The following POMT1 variants were observed in gnomAD, a reference collection of about 807,000 sequenced individuals.
POMT1 encodes the protein protein O-mannosyltransferase 1.
Under a neutral mutation model 101.6 loss-of-function variants are expected in POMT1, and 85 were observed. That is an observed-to-expected ratio of 0.84 (90% CI 0.70 to 1.00). The LOEUF (loss-of-function observed/expected upper bound fraction) is 1.00, where lower values mean the gene tolerates loss of function less well. Among genes scored for constraint, POMT1 ranks in the 50% least tolerant of loss-of-function variants. The pLI is 0.00. For missense variants in POMT1, 857 were observed against 930.4 expected (o/e 0.92, Z 1.03); for synonymous variants, 371 against 383.0 (o/e 0.97, Z 0.37).
At position 131,511,357 on chromosome 9, in the gene POMT1, T is replaced by A. The variant is rs10901065; in HGVS notation, c.876T>A (p.Thr292=). The change falls in exon 10 of 20, where the codon ACT becomes ACA. Residue 292 remains threonine, a synonymous_variant. Coordinates refer to ENST00000402686, the MANE Select transcript of POMT1 (RefSeq NM_001077365.2). The part of the protein sequence containing the change: ...ASLEGGLARI[T]QGQPLEVAFG... ...CTCAGGGAGGACTAGCTCGGATCAC[T>A]CAGGGTCAGCCACTGGAGGTGGCCT... The A allele has an allele frequency of 6.2e-7, 1 of 1,613,754 alleles. No homozygotes were observed. Among genetic ancestry groups the A allele is most frequent in the Admixed American group, 1.7e-5 (1 of 59,998 alleles).
chr9:131,503,109 C>G lies in POMT1; in HGVS notation c.-31+36C>G, dbSNP rs112631832. Reference sequence around the variant, plus strand: ...GGACACCGGGGACGAGAGCCCAGCCCGGACTTGGGGGAGTCCGTCAGTGCC... The same window carrying G: ...GGACACCGGGGACGAGAGCCCAGCCGGGACTTGGGGGAGTCCGTCAGTGCC... On this transcript the variant is annotated intron_variant, in intron 1 of 19. Coordinates refer to ENST00000402686, the MANE Select transcript of POMT1 (RefSeq NM_001077365.2). The surrounding 1 kb of genome is among the most constrained non-coding windows in gnomAD (Gnocchi z 4.4). 7.5e-4 allele frequency: 114 copies of G among 152,390 alleles called. No individual in the cohort carries two copies. Among genetic ancestry groups the G allele is most frequent in the African/African-American group, 2.7e-3 (111 of 41,590 alleles). 9.4% of individuals were successfully genotyped at this position (152,390 alleles called of 1,614,324 possible). A position where few individuals can be genotyped will look rare whatever the true frequency, so the allele number is the denominator to read the frequency against.
At chr9:131,511,003 AAGTTGTTTG>A in intron 9 of POMT1, 1 of 261,476 alleles carries the variant, frequency 3.8e-6, no homozygotes. Context: ...GTGTTTCAGC[AAGTTGTTTG>A]GCTCACCCTA....
chr9:131,521,550 G>C (rs950324692), intron 18 of POMT1, 78 bp downstream of exon 18: 1 of 1,516,876 alleles, frequency 6.6e-7, no homozygotes, highest in African/African-American at 1.4e-5. Context: ...GGGTGTTCTT[G>C]AACTCCTGGG....
chr9:131,519,532 C>G lies in POMT1; in HGVS notation c.1584+46C>G. 1.3e-6 allele frequency: 2 copies of G among 1,524,202 alleles called. No individual in the cohort carries two copies. Among genetic ancestry groups the G allele is most frequent in the African/African-American group, 1.4e-5 (1 of 72,732 alleles). 94.4% of individuals were successfully genotyped at this position (1,524,202 alleles called of 1,614,324 possible). A position where few individuals can be genotyped will look rare whatever the true frequency, so the allele number is the denominator to read the frequency against. On this transcript the variant is annotated intron_variant, in intron 16 of 19. Transcript: ENST00000402686. This position sits in a 1 kb window ranked among gnomAD's most constrained non-coding sequence, Gnocchi z 4.3. ...GCTGGCCTAGCTCGCTGAGCATTGA[C>G]TCCTCAGCAGGGAGGCCTGGGGGCT...
In POMT1 at chr9:131,511,254, G is replaced by A. The variant is rs184872125; in HGVS notation, c.856-83G>A. On this transcript the variant is annotated intron_variant, in intron 9 of 19. Transcript: ENST00000402686. ...CCACCAGCCTAAACATCACCCCAGA[G>A]GGAGGAGTGGCCATCGGGAAGGCTG... 66 of 1,435,166 alleles carry A rather than the reference G, an allele frequency of 4.6e-5. No homozygotes were observed. The East Asian group carries it at 1.5e-3, about 32-fold the overall frequency. The allele number at this position is 1,435,166 out of a possible 1,614,324, so 88.9% of individuals were successfully genotyped here.
At position 131,511,407 on chromosome 9, in the gene POMT1, AC is replaced by A; in HGVS notation, c.927del (p.Asn309LysfsTer20). 6.2e-7 allele frequency: 1 copy of A among 1,614,152 alleles called. No individual in the cohort carries two copies. The highest frequency in any genetic ancestry group is 8.5e-7 in the Non-Finnish European group (1 of 1,179,968). On this transcript the variant is annotated frameshift_variant, in exon 10 of 20. Transcript: ENST00000402686. LOFTEE classifies it high-confidence loss of function. ...TTTGGGTCCCAGGTCACTCTGAGGA[AC>A]GTCTTTGGGAAACCTGTGCCCTGCT... The part of the protein sequence containing the change: ...VAFGSQVTLR[N>X]VFGKPVPCWL...
At chr9:131,517,235 C>T (rs889515828) in intron 13 of POMT1, among the ~76,000 whole-genome samples, 9 of 144,356 alleles carry the variant, frequency 6.2e-5, no homozygotes, top group Non-Finnish European at 1.4e-4. Flanking sequence ...TGCTGATGTT[C>T]TTTTTTTTTT....
At chr9:131,517,653 T>C (rs1948994104) in intron 13 of POMT1, among the ~76,000 whole-genome samples, 1 of 152,200 alleles carries the variant, frequency 6.6e-6, no homozygotes, top group Non-Finnish European at 1.5e-5. Context: ...TCTGTGTGCG[T>C]TCTGCATTTC....
At position 131,518,909 on chromosome 9, in the gene POMT1, T is replaced by A; in HGVS notation, c.1438T>A (p.Tyr480Asn). ...EIVGEKLSRGYHGSTVWNVEE... is the reference protein window; with the variant it reads ...EIVGEKLSRGNHGSTVWNVEE... ...CGTCGGGGAGAAGCTGTCCCGGGGC[T>A]ACCACGGGAGCACGGTGTGGAACGT... The change falls in exon 15 of 20, where the codon TAC becomes AAC. Residue 480 changes from tyrosine to asparagine, a missense_variant. Coordinates refer to ENST00000402686, the MANE Select transcript of POMT1 (RefSeq NM_001077365.2). 1 of 1,613,810 alleles carries A rather than the reference T, an allele frequency of 6.2e-7. No homozygotes were observed. Among genetic ancestry groups the A allele is most frequent in the Non-Finnish European group, 8.5e-7 (1 of 1,180,018 alleles).
In POMT1 at chr9:131,519,623, C is replaced by A; in HGVS notation, c.1584+137C>A. On this transcript the variant is annotated intron_variant, in intron 16 of 19. Coordinates refer to ENST00000402686, the MANE Select transcript of POMT1 (RefSeq NM_001077365.2). This position sits in a 1 kb window ranked among gnomAD's most constrained non-coding sequence, Gnocchi z 4.3. ...TACAGGCTCACAACAGAATGAGTGT[C>A]TCCTCTCTCCAGTGTAAGGGACTGT... The A allele has an allele frequency of 1.2e-6, 1 of 851,776 alleles. No individual in the cohort carries two copies. Among genetic ancestry groups the A allele is most frequent in the Non-Finnish European group, 1.9e-6 (1 of 526,560 alleles). The allele number at this position is 851,776 out of a possible 1,614,324, so 52.8% of individuals were successfully genotyped here.
rs1946475637 is a variant in POMT1, at chr9:131,508,991, T to C, written c.508T>C (p.Tyr170His). The C allele has an allele frequency of 6.2e-7, 1 of 1,613,354 alleles. No homozygotes were observed. The highest frequency in any genetic ancestry group is 8.5e-7 in the Non-Finnish European group (1 of 1,179,340). Residue 170 changes from tyrosine to histidine, a missense_variant, in exon 6 of 20, where the codon TAC becomes CAC. Tyr to His is a moderately conservative substitution (Grantham distance 83). Transcript: ENST00000402686. ...TTTCAATCTATTGGCCGTGTTGTCCTACCTGAAGTTCTTCAACTGCCAAAA... is the reference window on the plus strand; with the variant it reads ...TTTCAATCTATTGGCCGTGTTGTCCCACCTGAAGTTCTTCAACTGCCAAAA... ...IFFNLLAVLS[Y>H]LKFFNCQKHS... is the part of the protein sequence containing the mutation.
chr9:131,511,610 G>A, intron 10 of POMT1, 143 bp downstream of exon 10: 1 of 1,125,782 alleles, frequency 8.9e-7, no homozygotes, highest in Non-Finnish European at 1.3e-6. Context: ...GATTGCCAGT[G>A]AGCTTCGTGG....
Position 131,509,995 on chromosome 9 carries a change from A to C in POMT1, c.698A>C (p.Asn233Thr), listed in dbSNP as rs139774354. 1 of 1,613,988 alleles carries C rather than the reference A, an allele frequency of 6.2e-7. No homozygotes were observed. Among genetic ancestry groups the C allele is most frequent in the African/African-American group, 1.3e-5 (1 of 74,920 alleles). The stretch of plus-strand genomic sequence containing the variant: ...CTGCTTGGAGACCAGACTTTGTCCA[A>C]TGTAGGTGCTGATGTCCAGTGCTGC... ...WHLLGDQTLS[N>T]VCVFCHLLAR... Residue 233 changes from asparagine (N) to threonine (T), a missense_variant and splice_region_variant, in exon 8 of 20, where the codon AAT becomes ACT. Physicochemically the swap from Asn to Thr is moderately conservative, Grantham distance 65 (BLOSUM62 0). Transcript: ENST00000402686.
Position 131,522,950 on chromosome 9 carries a change from C to T in POMT1, c.2022C>T (p.Ser674=). Residue 674 remains serine (S), a synonymous_variant, in exon 20 of 20, where the codon AGC becomes AGT. Transcript: ENST00000402686. The surrounding 1 kb of genome is among the most constrained non-coding windows in gnomAD (Gnocchi z 5.5). ...DHLCRSQLQR[S]IFSALVVAWY... The stretch of plus-strand genomic sequence containing the variant: ...TCTGCAGGTCCCAGCTCCAGAGGAG[C>T]ATCTTCAGCGCCCTGGTGGTGGCCT... 6.3e-7 allele frequency: 1 copy of T among 1,595,740 alleles called. No individual in the cohort carries two copies. The highest frequency in any genetic ancestry group is 8.5e-7 in the Non-Finnish European group (1 of 1,173,172).
chr9:131,520,331 G>A, intron 17 of POMT1, 138 bp downstream of exon 17: 1 of 819,690 alleles, frequency 1.2e-6, no homozygotes, highest in South Asian at 1.4e-5. Context: ...CTGTGACTTG[G>A]TTTTCTCTAA....
chr9:131,522,941 C>G lies in POMT1; in HGVS notation c.2013C>G (p.Leu671=). ...HISDHLCRSQ[L]QRSIFSALVV... ...GCTCTGACCTCTGCAGGTCCCAGCTCCAGAGGAGCATCTTCAGCGCCCTGG... is the reference window on the plus strand; with the variant it reads ...GCTCTGACCTCTGCAGGTCCCAGCTGCAGAGGAGCATCTTCAGCGCCCTGG... The change falls in exon 20 of 20, where the codon CTC becomes CTG. Residue 671 remains leucine (L), a synonymous_variant. Transcript: ENST00000402686. The surrounding 1 kb of genome is among the most constrained non-coding windows in gnomAD (Gnocchi z 5.5). The G allele has an allele frequency of 6.3e-7, 1 of 1,591,804 alleles. No individual in the cohort carries two copies. The highest frequency in any genetic ancestry group is 1.1e-5 in the South Asian group (1 of 88,710).
rs781372818 is a variant in POMT1, at chr9:131,522,082, T to G, written c.1861T>G (p.Cys621Gly). 6 of 1,614,024 alleles carry G rather than the reference T, an allele frequency of 3.7e-6. No homozygotes were observed. Among genetic ancestry groups the G allele is most frequent in the Admixed American group, 1.7e-5 (1 of 60,008 alleles). The part of the protein sequence containing the change: ...WLRWVLAGAL[C>G]AGGWAVNYLP... Reference sequence around the variant, plus strand: ...GCGCTGGGTGCTGGCTGGGGCGCTGTGTGCCGGTGGCTGGGCAGTGAACTA... The same window carrying G: ...GCGCTGGGTGCTGGCTGGGGCGCTGGGTGCCGGTGGCTGGGCAGTGAACTA... The change falls in exon 19 of 20, where the codon TGT becomes GGT. Residue 621 changes from cysteine to glycine, a missense_variant. Cys to Gly is a radical substitution (Grantham distance 159, BLOSUM62 -3). Coordinates refer to ENST00000402686, the MANE Select transcript of POMT1 (RefSeq NM_001077365.2). This position sits in a 1 kb window ranked among gnomAD's most constrained non-coding sequence, Gnocchi z 5.5.
Position 131,523,418 on chromosome 9 carries a change from T to G in POMT1, c.*312T>G. The G allele has an allele frequency of 2.6e-6, 1 of 390,378 alleles. No homozygotes were observed. Among genetic ancestry groups the G allele is most frequent in the Non-Finnish European group, 4.9e-6 (1 of 204,692 alleles). 24.2% of individuals were successfully genotyped at this position (390,378 alleles called of 1,614,324 possible). ...AAAGCCGAGAACCCAGGGCCAGCAGTGGAGCCTCAGCAGACCAGGGCCTGG... is the reference window on the plus strand; with the variant it reads ...AAAGCCGAGAACCCAGGGCCAGCAGGGGAGCCTCAGCAGACCAGGGCCTGG... On this transcript the variant is annotated 3_prime_UTR_variant, in exon 20 of 20. Transcript: ENST00000402686.
rs753694905 is a variant in POMT1, at chr9:131,511,408, C to A, written c.927C>A (p.Asn309Lys). 2 of 1,614,132 alleles carry A rather than the reference C, an allele frequency of 1.2e-6. No homozygotes were observed. Among genetic ancestry groups the A allele is most frequent in the Non-Finnish European group, 1.7e-6 (2 of 1,179,952 alleles). Residue 309 changes from asparagine (N) to lysine (K), a missense_variant, in exon 10 of 20, where the codon AAC (asparagine) becomes AAA (lysine). Physicochemically the swap from Asn to Lys is moderately conservative, Grantham distance 94 (BLOSUM62 0). Transcript: ENST00000402686. ...TTGGGTCCCAGGTCACTCTGAGGAA[C>A]GTCTTTGGGAAACCTGTGCCCTGCT... ...VAFGSQVTLR[N>K]VFGKPVPCWL...
Sources: allele counts gnomAD v4.1 joint callset (sites outside exome capture counted in the v4.1 genomes callset), GRCh38; gene constraint gnomAD v4.1.1; non-coding constraint Gnocchi (gnomAD v3.1); transcripts MANE v1.5; gene names NCBI Gene and HGNC (gene_info 2026-07-23, HGNC 2026-07-21).